VAV1: variants seen among roughly 807,000 people sequenced by gnomAD.
VAV1 encodes vav guanine nucleotide exchange factor 1, also known as proto-oncogene vav.
Under a neutral mutation model 128.1 loss-of-function variants are expected in VAV1, and 33 were observed. That is an observed-to-expected ratio of 0.26 (90% CI 0.20 to 0.34). The LOEUF is 0.34. Among genes scored for constraint, VAV1 ranks in the 10% least tolerant of loss-of-function variants. The probability of loss-of-function intolerance (pLI) is 1.00; values close to 1 mark genes in which losing one functional copy is unlikely to be tolerated. For missense variants in VAV1, 715 were observed against 1,093.7 expected (o/e 0.65, Z 4.88); for synonymous variants, 394 against 409.8 (o/e 0.96, Z 0.47).
chr19:6,805,092 G>A (rs955563487), intron 1 of VAV1, among the ~76,000 whole-genome samples: 20 of 151,984 alleles, frequency 1.3e-4, no homozygotes, highest in Non-Finnish European at 2.1e-4. Context: ...TTCCAGGGAA[G>A]GGGTAGTAAC....
rs753902811 is a variant in VAV1 at position 6,822,297 on chromosome 19, G to C, written c.526G>C (p.Asp176His). ...EEAEGDEIYEDLMRSEPVSMP... is the reference protein window; with the variant it reads ...EEAEGDEIYEHLMRSEPVSMP... ...GGCGGAAGGCGACGAGATCTATGAGGACCTCATGCGCTCGGAGCCCGTGTC... is the reference window on the plus strand; with the variant it reads ...GGCGGAAGGCGACGAGATCTATGAGCACCTCATGCGCTCGGAGCCCGTGTC... The change falls in exon 5 of 27, where the codon GAC becomes CAC. Residue 176 changes from aspartate (D) to histidine (H), a missense_variant. Asp to His is a moderately conservative substitution (Grantham distance 81, BLOSUM62 -1). Coordinates refer to ENST00000602142, the MANE Select transcript of VAV1 (RefSeq NM_005428.4). The surrounding 1 kb of genome is among the most constrained non-coding windows in gnomAD (Gnocchi z 5.9). 2.2e-5 allele frequency: 35 copies of C among 1,567,114 alleles called. No homozygotes were observed. The highest frequency in any genetic ancestry group is 2.6e-5 in the Non-Finnish European group (30 of 1,157,132).
chr19:6,789,781 T>G (rs527254788), intron 1 of VAV1, among the ~76,000 whole-genome samples: 1 of 152,078 alleles, frequency 6.6e-6, no homozygotes, highest in East Asian at 1.9e-4. Flanking sequence ...TATTTTTTAG[T>G]AGAGAAGGGG....
At chr19:6,818,247 T>C (rs534741868) in intron 1 of VAV1, among the ~76,000 whole-genome samples, 87 of 152,314 alleles carry the variant, frequency 5.7e-4, no homozygotes, top group African/African-American at 2.0e-3. Flanking sequence ...ACAGAGAAGG[T>C]GTCCTTTGAG....
Position 6,844,480 on chromosome 19 carries a change from G to A in VAV1, c.2012+1314G>A, listed in dbSNP as rs554807786. Reference sequence around the variant, plus strand: ...GATCCACTCGCCTCAGCCTCCCAAAGTGCTGGGATTACAGGTGTGAGCCAC... The same window carrying A: ...GATCCACTCGCCTCAGCCTCCCAAAATGCTGGGATTACAGGTGTGAGCCAC... On this transcript the variant is annotated intron_variant, in intron 22 of 26. Coordinates refer to ENST00000602142, the MANE Select transcript of VAV1 (RefSeq NM_005428.4). Among the ~76,000 whole-genome samples the A allele has an allele frequency of 3.3e-5, 5 of 152,064 alleles. No homozygotes were observed. In the South Asian group the frequency reaches 6.2e-4, roughly 19 times the overall value.
intron 1 of VAV1, among the ~76,000 whole-genome samples, chr19:6,787,253 G>A (rs932364954): frequency 3.3e-5 from 5 of 152,124 alleles, no homozygotes; most frequent in Admixed American, 3.3e-4. Context: ...TTGGCTCACT[G>A]CAACCTCCAT....
chr19:6,841,948 G>A (rs887866126), intron 21 of VAV1, among the ~76,000 whole-genome samples: 4 of 151,410 alleles, frequency 2.6e-5, no homozygotes, highest in African/African-American at 4.9e-5. Flanking sequence ...ACTTTCGGCC[G>A]GGCGCGGTGG....
intron 1 of VAV1, among the ~76,000 whole-genome samples, chr19:6,806,156 G>T (rs1300676874): frequency 6.6e-6 from 1 of 151,968 alleles, no homozygotes; most frequent in African/African-American, 2.4e-5. Context: ...GCACGATCTC[G>T]GCTCACTGCA....
At position 6,807,920 on chromosome 19, in the gene VAV1, C is replaced by T. The variant is rs113662407; in HGVS notation, c.205-12782C>T. On this transcript the variant is annotated intron_variant, in intron 1 of 26. Coordinates refer to ENST00000602142, the MANE Select transcript of VAV1 (RefSeq NM_005428.4). Reference sequence around the variant, plus strand: ...CAGGAGAATCGCTTGAACCTGGGAGCCAGAGGTTGCAGTGAGTCGAGATTC... The same window carrying T: ...CAGGAGAATCGCTTGAACCTGGGAGTCAGAGGTTGCAGTGAGTCGAGATTC... Among the ~76,000 whole-genome samples, 45 of 145,372 alleles carry T rather than the reference C, an allele frequency of 3.1e-4. 1 individual carries two copies. The highest frequency in any genetic ancestry group is 1.1e-3 in the African/African-American group (43 of 38,324).
Position 6,853,943 on chromosome 19 carries a change from A to G in VAV1, c.2333-4A>G. On this transcript the variant is annotated splice_polypyrimidine_tract_variant and splice_region_variant and intron_variant, in intron 25 of 26. Transcript: ENST00000602142. ...CTTTTCTCACTTCTGTTCTCTCTCCACAGTGGGAAGCACAAAGTATTTTGG... is the reference window on the plus strand; with the variant it reads ...CTTTTCTCACTTCTGTTCTCTCTCCGCAGTGGGAAGCACAAAGTATTTTGG... 1 of 1,609,374 alleles carries G rather than the reference A, an allele frequency of 6.2e-7. No individual in the cohort carries two copies. Among genetic ancestry groups the G allele is most frequent in the Non-Finnish European group, 8.5e-7 (1 of 1,179,904 alleles).
Position 6,831,139 on chromosome 19 carries a change from AG to A in VAV1, c.1399-947del, listed in dbSNP as rs556477204. On this transcript the variant is annotated intron_variant, in intron 14 of 26. Transcript: ENST00000602142. ...TGTGGCTGTGGTAGGTGAGGGTGGG[AG>A]GGGGAGCTATCTTACCTCCATTGTT... Among the ~76,000 whole-genome samples, 670 of 152,084 alleles carry A rather than the reference AG, an allele frequency of 4.4e-3. 2 individuals are homozygous for A. Among genetic ancestry groups the A allele is most frequent in the Non-Finnish European group, 7.1e-3 (485 of 67,970 alleles).
At chr19:6,833,161 T>G in intron 15 of VAV1, 23 bp from the exon 16 acceptor site, 1 of 1,576,146 alleles carries the variant, frequency 6.3e-7, no homozygotes. Context: ...CTTTTTTTTT[T>G]TTTTTTAATT....
intron 19 of VAV1, among the ~76,000 whole-genome samples, chr19:6,834,865 TG>T (rs1230157414): frequency 6.6e-6 from 1 of 151,224 alleles, no homozygotes; most frequent in Non-Finnish European, 1.5e-5. Flanking sequence ...CCCAGCACTT[TG>T]AGAGGCCAAG....
chr19:6,839,226 T>A (rs1972308522), intron 21 of VAV1, among the ~76,000 whole-genome samples: 1 of 150,594 alleles, frequency 6.6e-6, no homozygotes, highest in Non-Finnish European at 1.5e-5. Context: ...TGTGTGATTT[T>A]TTTTTTTTTT....
chr19:6,850,225 G>GTTTTTTTTTT (rs760967154), intron 23 of VAV1, among the ~76,000 whole-genome samples: 21 of 49,034 alleles, frequency 4.3e-4, no homozygotes, highest in Admixed American at 1.4e-3. Flanking sequence ...TTGTTTCTTT[G>GTTTTTTTTTT]TTTTTTTTTT....
intron 13 of VAV1, 70 bp from the exon 14 acceptor site, chr19:6,829,716 G>A: frequency 6.3e-7 from 1 of 1,593,724 alleles, no homozygotes; most frequent in South Asian, 1.1e-5. Context: ...AGGATGTGGA[G>A]GAACTGGTCA....
In VAV1 at chr19:6,854,066, C is replaced by G. The variant is rs1225183789; in HGVS notation, c.2452C>G (p.Gln818Glu). 6.2e-7 allele frequency: 1 copy of G among 1,613,684 alleles called. No individual in the cohort carries two copies. Among genetic ancestry groups the G allele is most frequent in the Admixed American group, 1.7e-5 (1 of 60,008 alleles). Residue 818 changes from glutamine to glutamate, a missense_variant, in exon 26 of 27, where the codon CAA (glutamine) becomes GAA (glutamate). Gln to Glu is a conservative substitution (Grantham distance 29). Transcript: ENST00000602142. ...CAAGATCCTTAACAAGAAGGGACAGCAAGGCTGGTGGCGAGGGGAGATCTA... is the reference window on the plus strand; with the variant it reads ...CAAGATCCTTAACAAGAAGGGACAGGAAGGCTGGTGGCGAGGGGAGATCTA... ...IIKILNKKGQQGWWRGEIYGR... is the reference protein window; with the variant it reads ...IIKILNKKGQEGWWRGEIYGR...
intron 1 of VAV1, among the ~76,000 whole-genome samples, chr19:6,786,531 T>G (rs189138137): frequency 8.5e-5 from 13 of 152,180 alleles, no homozygotes; most frequent in African/African-American, 3.1e-4. Context: ...GCCTGTAATC[T>G]TAAGACATTG....
At chr19:6,801,385 T>C (rs1430805374) in intron 1 of VAV1, among the ~76,000 whole-genome samples, 1 of 152,170 alleles carries the variant, frequency 6.6e-6, no homozygotes, top group Non-Finnish European at 1.5e-5. Context: ...CAGATCTGCC[T>C]GACCCTCCCA....
intron 1 of VAV1, among the ~76,000 whole-genome samples, chr19:6,796,143 T>TG (rs1191399404): frequency 3.9e-5 from 6 of 152,136 alleles, no homozygotes; most frequent in African/African-American, 1.4e-4. Flanking sequence ...ACCATTGCAT[T>TG]GGGGATTATA....
Sources: gnomAD v4.1 joint callset for allele counts (sites outside exome capture counted in the v4.1 genomes callset) on GRCh38, gnomAD v4.1.1 for gene constraint, Gnocchi (gnomAD v3.1) non-coding constraint, MANE v1.5 for transcripts, NCBI Gene and HGNC (gene_info 2026-07-23, HGNC 2026-07-21) for gene names.